Variants in PTPRT observed in about 807,000 individuals in gnomAD.
PTPRT encodes the protein protein tyrosine phosphatase receptor type T, also known as receptor-type tyrosine-protein phosphatase T.
In PTPRT, 56 loss-of-function variants were observed where a neutral mutation model predicts 176.8. The ratio of observed to expected loss-of-function variants is 0.32; its 90% CI spans 0.26 to 0.40. The LOEUF (loss-of-function observed/expected upper bound fraction) is 0.40, where lower values mean the gene tolerates loss of function less well. Among genes scored for constraint, PTPRT ranks in the 10% least tolerant of loss-of-function variants. The probability of loss-of-function intolerance (pLI) is 1.00; values close to 1 mark genes in which losing one functional copy is unlikely to be tolerated. For synonymous variants in PTPRT, 783 were observed against 739.0 expected (o/e 1.06, Z -0.96); for missense variants, 1,540 against 1,908.2 (o/e 0.81, Z 3.60).
chr20:43,032,312 C>A (rs1212868704), intron 1 of PTPRT, among the ~76,000 whole-genome samples: 1 of 151,866 alleles, frequency 6.6e-6, no homozygotes, highest in Non-Finnish European at 1.5e-5. Context: ...TAGTGGGTAA[C>A]ATATTGAGTA....
intron 2 of PTPRT, among the ~76,000 whole-genome samples, chr20:42,824,981 G>T (rs1340098180): frequency 6.6e-6 from 1 of 151,864 alleles, no homozygotes; most frequent in East Asian, 1.9e-4. Flanking sequence ...AATATATTTG[G>T]CTATATAATA....
chr20:42,107,238 T>G (rs1986546546), intron 23 of PTPRT, among the ~76,000 whole-genome samples: 1 of 151,238 alleles, frequency 6.6e-6, no homozygotes, highest in South Asian at 2.1e-4. Context: ...TTTTTCTTCT[T>G]CAGCAAATGG....
In PTPRT at chr20:42,652,377, C is replaced by G. The variant is rs185026345; in HGVS notation, c.1153+25489G>C. Among the ~76,000 whole-genome samples, 27 of 152,200 alleles carry G rather than the reference C, an allele frequency of 1.8e-4. No individual in the cohort carries two copies. The East Asian group carries it at 5.2e-3, about 30-fold the overall frequency. On this transcript the variant is annotated intron_variant, in intron 7 of 30. Transcript: ENST00000373187. ...TGGACCATGCTGGGCACTGAGGTAC[C>G]AGAGCTTAGAAGACACTGTGATCAC...
chr20:42,348,066 G>T (rs969145974), intron 11 of PTPRT, among the ~76,000 whole-genome samples: 1 of 152,120 alleles, frequency 6.6e-6, no homozygotes, highest in African/African-American at 2.4e-5. Flanking sequence ...AATATTTGTT[G>T]CATGACCTAG....
chr20:42,970,494 G>C (rs775604696), intron 1 of PTPRT, among the ~76,000 whole-genome samples: 1 of 152,136 alleles, frequency 6.6e-6, no homozygotes, highest in Non-Finnish European at 1.5e-5. Context: ...CCACTTAATA[G>C]TTATGCGACC....
chr20:42,668,858 A>ATTT lies in PTPRT; in HGVS notation c.1153+9005_1153+9007dup, dbSNP rs755121515. Among the ~76,000 whole-genome samples, 182 of 81,282 alleles carry ATTT rather than the reference A, an allele frequency of 2.2e-3. 2 individuals are homozygous for ATTT. Among genetic ancestry groups the ATTT allele is most frequent in the South Asian group, 2.6e-3 (5 of 1,936 alleles). The allele number at this position is 81,282 out of a possible 152,430, so 53.3% of individuals were successfully genotyped here. On this transcript the variant is annotated intron_variant, in intron 7 of 30. Transcript: ENST00000373187. ...AGGCGCCCGCCACCACGCCCAGCTA[A>ATTT]TTTTTTTTTTTTTTTTTTTTTTTTT...
At chr20:42,104,207 G>C (rs12106165) in intron 25 of PTPRT, among the ~76,000 whole-genome samples, 3,586 of 152,228 alleles carry the variant, frequency 0.024, 132 homozygotes, top group African/African-American at 0.082. Flanking sequence ...GGTGGCTCCT[G>C]CCTGTAATCC....
intron 4 of PTPRT, among the ~76,000 whole-genome samples, chr20:42,778,406 T>C (rs749336538): frequency 6.6e-6 from 1 of 152,052 alleles, no homozygotes; most frequent in Non-Finnish European, 1.5e-5. Context: ...GGGATCCAGG[T>C]AGAGAGACTC....
At chr20:42,396,142 C>T (rs13339900) in intron 9 of PTPRT, among the ~76,000 whole-genome samples, 3,077 of 152,254 alleles carry the variant, frequency 0.02, 116 homozygotes, top group African/African-American at 0.07. Flanking sequence ...TTCTCTGAAA[C>T]CTGCTCATTC....
rs879191839 is a variant in PTPRT at position 42,350,902 on chromosome 20, C to A, written c.1763-172G>T. Reference sequence around the variant, plus strand: ...CAGTAAAGGAGGCCCCGATGCCCAACCTGCCCATAGTAGGTTTCTTCAAGG... The same window carrying A: ...CAGTAAAGGAGGCCCCGATGCCCAAACTGCCCATAGTAGGTTTCTTCAAGG... On this transcript the variant is annotated intron_variant, in intron 10 of 30. Transcript: ENST00000373187. 3.3e-5 allele frequency among the ~76,000 whole-genome samples: 5 copies of A among 152,308 alleles called. No homozygotes were observed. In the East Asian group the frequency reaches 5.8e-4, roughly 18 times the overall value.
downstream of PTPRT, among the ~76,000 whole-genome samples, chr20:42,072,231 C>T (rs989242387): frequency 6.6e-6 from 1 of 152,174 alleles, no homozygotes; most frequent in African/African-American, 2.4e-5. Flanking sequence ...CTCATGTGCC[C>T]CAGCCAAGCC....
chr20:42,284,636 T>C (rs2057198273), intron 12 of PTPRT, among the ~76,000 whole-genome samples: 1 of 152,008 alleles, frequency 6.6e-6, no homozygotes, highest in Non-Finnish European at 1.5e-5. Flanking sequence ...GAATTGAGCT[T>C]GAGAATAGGT....
chr20:42,319,456 T>G (rs1203869323), intron 11 of PTPRT, among the ~76,000 whole-genome samples: 1 of 152,174 alleles, frequency 6.6e-6, no homozygotes, highest in African/African-American at 2.4e-5. Flanking sequence ...ATGGTTCACA[T>G]ACGATTGTGA....
chr20:43,039,747 A>G (rs994688375), intron 1 of PTPRT, among the ~76,000 whole-genome samples: 2 of 152,150 alleles, frequency 1.3e-5, no homozygotes, highest in Non-Finnish European at 2.9e-5. Flanking sequence ...CAAATAAAAA[A>G]GAAGAAAACC....
At chr20:42,916,181 T>A (rs1363676064) in intron 1 of PTPRT, among the ~76,000 whole-genome samples, 8 of 144,534 alleles carry the variant, frequency 5.5e-5, no homozygotes, top group Non-Finnish European at 9.0e-5. Flanking sequence ...GTTCTCATTG[T>A]TCAATTCCCA....
chr20:42,180,856 T>C (rs1361009306), intron 16 of PTPRT, among the ~76,000 whole-genome samples: 1 of 152,140 alleles, frequency 6.6e-6, no homozygotes. Flanking sequence ...CGGGAGGGAG[T>C]ACATTATAGT....
intron 12 of PTPRT, among the ~76,000 whole-genome samples, chr20:42,312,295 C>A (rs762050787): frequency 6.6e-6 from 1 of 152,092 alleles, no homozygotes; most frequent in East Asian, 1.9e-4. Flanking sequence ...TATTTGCACA[C>A]GAACAACAAC....
intron 7 of PTPRT, among the ~76,000 whole-genome samples, chr20:42,576,666 G>A (rs2073267697): frequency 6.6e-6 from 1 of 152,094 alleles, no homozygotes; most frequent in Admixed American, 6.5e-5. Context: ...AAAGAACCTG[G>A]CTTTCAGAAT....
chr20:42,055,087 A>T, the PTPRT span, among the ~76,000 whole-genome samples: 4 of 149,230 alleles, frequency 2.7e-5, no homozygotes, highest in African/African-American at 5.0e-5. Context: ...AAAGTATAAT[A>T]AAAAAAAAAG....
Sources: gnomAD v4.1 joint callset for allele counts (sites outside exome capture counted in the v4.1 genomes callset) on GRCh38, gnomAD v4.1.1 for gene constraint, MANE v1.5 for transcripts, NCBI Gene and HGNC (gene_info 2026-07-23, HGNC 2026-07-21) for gene names.